TNRC6B: variants seen among roughly 807,000 people sequenced by gnomAD.
TNRC6B encodes trinucleotide repeat containing adaptor 6B.
A neutral mutation model predicts 203.6 loss-of-function variants in TNRC6B; 52 were observed. That is an observed-to-expected ratio of 0.26 (90% confidence interval 0.20 to 0.32). The LOEUF (loss-of-function observed/expected upper bound fraction) is 0.32, where lower values mean the gene tolerates loss of function less well. TNRC6B is among the 10% of genes least tolerant of loss of function. TNRC6B has a pLI of 1.00. For synonymous variants in TNRC6B, 838 were observed against 845.7 expected (o/e 0.99, Z 0.16); for missense variants, 1,923 against 2,286.2 (o/e 0.84, Z 3.24).
chr22:40,151,324 G>A (rs2068750861), intron 3 of TNRC6B, among the ~76,000 whole-genome samples: 1 of 151,976 alleles, frequency 6.6e-6, no homozygotes, highest in Non-Finnish European at 1.5e-5. Flanking sequence ...AGCTCTTTGG[G>A]AGGCTGAGGC....
At chr22:40,101,864 G>A (rs1054663313) in intron 1 of TNRC6B, among the ~76,000 whole-genome samples, 4 of 152,150 alleles carry the variant, frequency 2.6e-5, no homozygotes, top group African/African-American at 9.7e-5. Flanking sequence ...CACCCAACCG[G>A]TGTCGCTTCT....
intron 3 of TNRC6B, among the ~76,000 whole-genome samples, chr22:40,126,265 G>A (rs1481609059): frequency 6.6e-6 from 1 of 151,884 alleles, no homozygotes; most frequent in Non-Finnish European, 1.5e-5. Context: ...TTTTATTTTA[G>A]ATTTAGAGGT....
intron 3 of TNRC6B, among the ~76,000 whole-genome samples, chr22:40,142,026 C>G (rs1049672635): frequency 1.3e-5 from 2 of 151,944 alleles, no homozygotes; most frequent in Non-Finnish European, 2.9e-5. Context: ...TCCCAAAGTG[C>G]TGGGATTACA....
chr22:40,280,568 C>T (rs907394782), intron 10 of TNRC6B, among the ~76,000 whole-genome samples: 9 of 152,190 alleles, frequency 5.9e-5, no homozygotes, highest in African/African-American at 2.2e-4. Context: ...TGTTTAGTTA[C>T]AATGGTATAC....
chr22:40,317,406 CG>C (rs2071274357), intron 21 of TNRC6B, among the ~76,000 whole-genome samples: 1 of 152,104 alleles, frequency 6.6e-6, no homozygotes, highest in African/African-American at 2.4e-5. Context: ...GGTGAAACCC[CG>C]TCTTTACTGA....
chr22:40,106,366 C>A, intron 1 of TNRC6B: 1 of 1,218,410 alleles, frequency 8.2e-7, no homozygotes, highest in South Asian at 1.2e-5. Context: ...TTCTTGTTGC[C>A]AGCATCTCCA....
intron 3 of TNRC6B, among the ~76,000 whole-genome samples, chr22:40,154,882 T>C (rs866031796): frequency 2.9e-4 from 16 of 56,084 alleles, no homozygotes; most frequent in Non-Finnish European, 4.1e-4. Context: ...TATATATATA[T>C]ATATATATAT....
chr22:40,058,699 G>T (rs758388742), intron 1 of TNRC6B, among the ~76,000 whole-genome samples: 5 of 152,214 alleles, frequency 3.3e-5, no homozygotes, highest in Non-Finnish European at 7.3e-5. Context: ...GTCTGGAGAG[G>T]CGTGATGCTG....
rs1945067683 is a variant in TNRC6B, at chr22:40,328,372, G to A, written c.*5131G>A. Reference sequence around the variant, plus strand: ...GCAATCGGTTCTTCCAAACTCCTGTGGGTTGAATATGGTATAGAAGGTATG... The same window carrying A: ...GCAATCGGTTCTTCCAAACTCCTGTAGGTTGAATATGGTATAGAAGGTATG... On this transcript the variant is annotated 3_prime_UTR_variant, in exon 23 of 23. Coordinates refer to ENST00000454349, the MANE Select transcript of TNRC6B (RefSeq NM_001162501.2). 2.0e-5 allele frequency: 3 copies of A among 152,248 alleles called. No individual in the cohort carries two copies. In the South Asian group the frequency reaches 6.2e-4, roughly 32 times the overall value. The allele number at this position is 152,248 out of a possible 1,614,324, so 9.4% of individuals were successfully genotyped here.
chr22:40,064,155 C>T (rs1420353312), intron 1 of TNRC6B, among the ~76,000 whole-genome samples: 1 of 152,052 alleles, frequency 6.6e-6, no homozygotes, highest in Admixed American at 6.5e-5. Context: ...TCATTGGATT[C>T]CTTAGGATTT....
chr22:40,099,643 T>C (rs1370103828), intron 1 of TNRC6B, among the ~76,000 whole-genome samples: 1 of 152,250 alleles, frequency 6.6e-6, no homozygotes, highest in African/African-American at 2.4e-5. Flanking sequence ...GTATTAGATA[T>C]CATAAATAAC....
chr22:40,258,071 C>CTTTTTTTTTTTTTTTTTTTTTTTTT (rs56078653), intron 3 of TNRC6B, among the ~76,000 whole-genome samples: 2 of 28,714 alleles, frequency 7.0e-5, no homozygotes, highest in Non-Finnish European at 6.4e-5. Context: ...GATACACAGC[C>CTTTTTTTTTTTTTTTTTTTTTTTTT]TTTTTTTTTT....
In TNRC6B at chr22:40,301,085, G is replaced by A; in HGVS notation, c.3937-65G>A. The A allele has an allele frequency of 2.6e-6, 4 of 1,562,142 alleles. No homozygotes were observed. In the South Asian group the frequency reaches 3.5e-5, roughly 14 times the overall value. Reference sequence around the variant, plus strand: ...TTAGCCTCTGATGGCAAAGAACCGGGCACAGTCTTTTCCTGGGAAGTTCGG... The same window carrying A: ...TTAGCCTCTGATGGCAAAGAACCGGACACAGTCTTTTCCTGGGAAGTTCGG... On this transcript the variant is annotated intron_variant, in intron 14 of 22. Coordinates refer to ENST00000454349, the MANE Select transcript of TNRC6B (RefSeq NM_001162501.2).
rs10534254 is a variant in TNRC6B at position 40,331,645 on chromosome 22, A to ATT, written c.*8428_*8429dup. 169 of 133,170 alleles carry ATT rather than the reference A, an allele frequency of 1.3e-3. No individual in the cohort carries two copies. Among genetic ancestry groups the ATT allele is most frequent in the African/African-American group, 2.3e-3 (53 of 22,852 alleles). 8.2% of individuals were successfully genotyped at this position (133,170 alleles called of 1,614,324 possible). On this transcript the variant is annotated 3_prime_UTR_variant, in exon 23 of 23. Transcript: ENST00000454349. Reference sequence around the variant, plus strand: ...ACTGAATTTAAGAAGAGGTTGTTGGATTTTTTTTTTTTTTTTTTTTTTTTT... The same window carrying ATT: ...ACTGAATTTAAGAAGAGGTTGTTGGATTTTTTTTTTTTTTTTTTTTTTTTTTT...
chr22:40,121,665 A>G (rs1305347724), intron 2 of TNRC6B, among the ~76,000 whole-genome samples: 1 of 152,214 alleles, frequency 6.6e-6, no homozygotes, highest in Non-Finnish European at 1.5e-5. Flanking sequence ...CACAGCTGAT[A>G]TGTAAATGAG....
At chr22:40,126,123 C>T (rs778750977) in intron 3 of TNRC6B, among the ~76,000 whole-genome samples, 43 of 152,090 alleles carry the variant, frequency 2.8e-4, no homozygotes, top group South Asian at 8.3e-4. Flanking sequence ...AAGTTTGTTA[C>T]GAAAGTTACT....
Position 40,267,007 on chromosome 22 carries a change from C to G in TNRC6B, c.2777C>G (p.Pro926Arg), listed in dbSNP as rs1223512291. 2 of 1,607,854 alleles carry G rather than the reference C, an allele frequency of 1.2e-6. No homozygotes were observed. The highest frequency in any genetic ancestry group is 2.7e-5 in the African/African-American group (2 of 74,814). Residue 926 changes from proline to arginine, a missense_variant, in exon 5 of 23, where the codon CCC (proline) becomes CGC (arginine). Coordinates refer to ENST00000454349, the MANE Select transcript of TNRC6B (RefSeq NM_001162501.2). ...CCAGCACCTCGAGAACCAAACCTGC[C>G]CACCCCAATGACCAGTAAATCGGCA... Reference protein sequence around the residue: ...GGPAPREPNLPTPMTSKSASV... With the variant: ...GGPAPREPNLRTPMTSKSASV...
chr22:40,134,801 G>A (rs908179026), intron 3 of TNRC6B, among the ~76,000 whole-genome samples: 8 of 152,134 alleles, frequency 5.3e-5, no homozygotes, highest in Admixed American at 2.6e-4. Flanking sequence ...AACTGCATCC[G>A]GATAAATGGA....
At chr22:40,251,341 C>A in intron 3 of TNRC6B, 141 bp downstream of exon 3, 1 of 597,150 alleles carries the variant, frequency 1.7e-6, no homozygotes, top group Non-Finnish European at 2.8e-6. Context: ...CACTGAGGAG[C>A]AGTAATGACA....
Sources: gnomAD v4.1 joint callset for allele counts (sites outside exome capture counted in the v4.1 genomes callset) on GRCh38, gnomAD v4.1.1 for gene constraint, MANE v1.5 for transcripts, NCBI Gene and HGNC (gene_info 2026-07-23, HGNC 2026-07-21) for gene names.